The following BSDC1 variants were observed in gnomAD, a reference collection of about 807,000 sequenced individuals.
BSDC1 encodes BSD domain containing 1.
BSDC1 carries 29 observed loss-of-function variants against 56.0 expected under a neutral mutation model. The ratio of observed to expected loss-of-function variants is 0.52; its 90% CI spans 0.39 to 0.71. BSDC1 has a LOEUF of 0.71. Ranked by LOEUF, BSDC1 falls within the 30% of genes least tolerant of loss-of-function variation. The probability of loss-of-function intolerance (pLI) is 0.00; values close to 1 mark genes in which losing one functional copy is unlikely to be tolerated. For missense variants in BSDC1, 477 were observed against 548.5 expected (o/e 0.87, Z 1.30); for synonymous variants, 210 against 215.3 (o/e 0.98, Z 0.21).
At chr1:32,389,206 G>T (rs1642782353) in intron 2 of BSDC1, among the ~76,000 whole-genome samples, 1 of 151,952 alleles carries the variant, frequency 6.6e-6, no homozygotes, top group Non-Finnish European at 1.5e-5. Flanking sequence ...CGCCCACCTT[G>T]GCCTCCCAAT....
rs1446186215 is a variant in BSDC1 at position 32,376,828 on chromosome 1, G to T, written c.677-87C>A. The T allele has an allele frequency of 3.1e-6, 4 of 1,289,618 alleles. No individual in the cohort carries two copies. The East Asian group carries it at 1.1e-4, about 36-fold the overall frequency. The allele number at this position is 1,289,618 out of a possible 1,614,324, so 79.9% of individuals were successfully genotyped here. A position where few individuals can be genotyped will look rare whatever the true frequency, so the allele number is the denominator to read the frequency against. ...TTGGAGCTCTCAAGTTCCTGCCAAA[G>T]TGTACTCTGATCAAGACTCAAGCCG... On this transcript the variant is annotated intron_variant, in intron 8 of 10. Transcript: ENST00000455895.
At chr1:32,387,223 A>C (rs922933253) in intron 2 of BSDC1, among the ~76,000 whole-genome samples, 1 of 152,242 alleles carries the variant, frequency 6.6e-6, no homozygotes, top group African/African-American at 2.4e-5. Context: ...CTCAAGAGCA[A>C]ACAGGAAAAG....
chr1:32,374,241 T>C (rs1642197784), intron 9 of BSDC1, among the ~76,000 whole-genome samples: 1 of 152,234 alleles, frequency 6.6e-6, no homozygotes, highest in Non-Finnish European at 1.5e-5. Context: ...GCTCAGAGAA[T>C]GTTACCTCTA....
chr1:32,391,913 A>G (rs77766083), intron 2 of BSDC1, among the ~76,000 whole-genome samples: 55 of 152,354 alleles, frequency 3.6e-4, no homozygotes, highest in African/African-American at 1.3e-3. Context: ...CACTTACTGT[A>G]TGCTAGGTAC....
At position 32,378,737 on chromosome 1, in the gene BSDC1, A is replaced by C. The variant is rs759797232; in HGVS notation, c.515T>G (p.Leu172Arg). ...CTGGGCCCTCACCATCTTGGTGTAG[A>C]GGGCCCGGATGGAGGGGCTGCCTAC... is the stretch of plus-strand genomic sequence containing the variant. ...LLVGSPSIRA[L>R]YTKMVPAAVS... Residue 172 changes from leucine to arginine, a missense_variant, in exon 6 of 11, where the codon CTC (leucine) becomes CGC (arginine). Physicochemically the swap from Leu to Arg is moderately radical, Grantham distance 102. Coordinates refer to ENST00000455895, the MANE Select transcript of BSDC1 (RefSeq NM_018045.8). This position sits in a 1 kb window ranked among gnomAD's most constrained non-coding sequence, Gnocchi z 5.2. 5 of 1,520,380 alleles carry C rather than the reference A, an allele frequency of 3.3e-6. No individual in the cohort carries two copies. Among genetic ancestry groups the C allele is most frequent in the Non-Finnish European group, 3.5e-6 (4 of 1,132,446 alleles). The allele number at this position is 1,520,380 out of a possible 1,614,324, so 94.2% of individuals were successfully genotyped here.
At position 32,376,357 on chromosome 1, in the gene BSDC1, A is replaced by T; in HGVS notation, c.1061T>A (p.Val354Glu). The change falls in exon 9 of 11, where the codon GTA becomes GAA. Residue 354 changes from valine to glutamate, a missense_variant. Transcript: ENST00000455895. The part of the protein sequence containing the change: ...GGPEPRPPAR[V>E]ETLREEAPTD... ...GGGCGCCTCCTCCCTCAGAGTCTCTACTCTGGCTGGAGGCCTGGGCTCTGG... is the reference window on the plus strand; with the variant it reads ...GGGCGCCTCCTCCCTCAGAGTCTCTTCTCTGGCTGGAGGCCTGGGCTCTGG... The T allele has an allele frequency of 6.2e-7, 1 of 1,612,840 alleles. No homozygotes were observed. Among genetic ancestry groups the T allele is most frequent in the Non-Finnish European group, 8.5e-7 (1 of 1,179,184 alleles).
chr1:32,388,182 T>A (rs1181692642), intron 2 of BSDC1, among the ~76,000 whole-genome samples: 1 of 152,030 alleles, frequency 6.6e-6, no homozygotes, highest in East Asian at 1.9e-4. Flanking sequence ...TTAAAGCATG[T>A]TTTTGAGCGC....
chr1:32,382,836 C>T (rs1332709079), intron 4 of BSDC1, among the ~76,000 whole-genome samples: 2 of 141,502 alleles, frequency 1.4e-5, no homozygotes, highest in Admixed American at 7.3e-5. Flanking sequence ...TGCCACCGCA[C>T]TCCAGCCTGG....
intron 2 of BSDC1, among the ~76,000 whole-genome samples, chr1:32,388,347 A>C (rs1326458522): frequency 6.6e-6 from 1 of 152,068 alleles, no homozygotes; most frequent in Non-Finnish European, 1.5e-5. Flanking sequence ...GGAGGAGGTC[A>C]TTTACTTATT....
At chr1:32,383,587 A>G (rs1052755575) in intron 4 of BSDC1, among the ~76,000 whole-genome samples, 3 of 152,230 alleles carry the variant, frequency 2.0e-5, no homozygotes, top group Non-Finnish European at 4.4e-5. Context: ...CTATGTTTAT[A>G]AACAAAAACA....
At position 32,364,761 on chromosome 1, in the gene BSDC1, G is replaced by A. The variant is rs2148099466; in HGVS notation, c.*1861C>T. On this transcript the variant is annotated 3_prime_UTR_variant, in exon 11 of 11. Transcript: ENST00000455895. ...CATGACAAGTGATTTTCATACTAAAGTTAATTAAAATAGACCCAAGAATCA... is the reference window on the plus strand; with the variant it reads ...CATGACAAGTGATTTTCATACTAAAATTAATTAAAATAGACCCAAGAATCA... Among the ~76,000 whole-genome samples, 1 of 152,308 alleles carries A rather than the reference G, an allele frequency of 6.6e-6. No individual in the cohort carries two copies. Among genetic ancestry groups the A allele is most frequent in the East Asian group, 1.9e-4 (1 of 5,182 alleles).
rs1039852357 is a variant in BSDC1 at position 32,378,662 on chromosome 1, C to G, written c.528+62G>C. 1 of 1,156,964 alleles carries G rather than the reference C, an allele frequency of 8.6e-7. No homozygotes were observed. Among genetic ancestry groups the G allele is most frequent in the South Asian group, 1.8e-5 (1 of 55,852 alleles). The allele number at this position is 1,156,964 out of a possible 1,614,324, so 71.7% of individuals were successfully genotyped here. On this transcript the variant is annotated intron_variant, in intron 6 of 10. Transcript: ENST00000455895. This position sits in a 1 kb window ranked among gnomAD's most constrained non-coding sequence, Gnocchi z 5.2. ...ACTCTGCAGTGACTCTGAACATGTCCCTCCCACCTCCCAACACCTCAAGCC... is the reference window on the plus strand; with the variant it reads ...ACTCTGCAGTGACTCTGAACATGTCGCTCCCACCTCCCAACACCTCAAGCC...
chr1:32,370,633 C>G (rs555420461), intron 9 of BSDC1, among the ~76,000 whole-genome samples: 7 of 151,756 alleles, frequency 4.6e-5, no homozygotes, highest in Middle Eastern at 3.4e-3. Context: ...GAAACCCCAT[C>G]TCTACTAAAA....
rs754158312 is a variant in BSDC1, at chr1:32,394,176, G to A, written c.12-36C>T. The A allele has an allele frequency of 2.5e-6, 4 of 1,596,164 alleles. No homozygotes were observed. In the Admixed American group the frequency reaches 5.3e-5, roughly 21 times the overall value. ...CAGACACATCTGGCAGCACCGCGGT[G>A]CGATTCCTGCCCGCCCAAGGATCCG... On this transcript the variant is annotated intron_variant, in intron 1 of 10. Coordinates refer to ENST00000455895, the MANE Select transcript of BSDC1 (RefSeq NM_018045.8).
In BSDC1 at chr1:32,383,060, C is replaced by G. The variant is rs1257737152; in HGVS notation, c.357+770G>C. On this transcript the variant is annotated intron_variant, in intron 4 of 10. Coordinates refer to ENST00000455895, the MANE Select transcript of BSDC1 (RefSeq NM_018045.8). ...GCTCTCCACAGCGTTCCTTATTATG[C>G]TTGAAAGCTGAAAGGAATCCAAATA... is the stretch of plus-strand genomic sequence containing the variant. Among the ~76,000 whole-genome samples, 3 of 151,892 alleles carry G rather than the reference C, an allele frequency of 2.0e-5. No individual in the cohort carries two copies. In the East Asian group the frequency reaches 5.8e-4, roughly 29 times the overall value.
Position 32,366,203 on chromosome 1 carries a change from T to C in BSDC1, c.*419A>G. On this transcript the variant is annotated 3_prime_UTR_variant, in exon 11 of 11. Coordinates refer to ENST00000455895, the MANE Select transcript of BSDC1 (RefSeq NM_018045.8). Reference sequence around the variant, plus strand: ...GGTGGCATGGCCCTCCCTGCCTGCTTATGTATGGACAGAGTATGTTGTCTC... The same window carrying C: ...GGTGGCATGGCCCTCCCTGCCTGCTCATGTATGGACAGAGTATGTTGTCTC... 3.8e-6 allele frequency: 1 copy of C among 260,012 alleles called. No individual in the cohort carries two copies. The highest frequency in any genetic ancestry group is 7.6e-6 in the Non-Finnish European group (1 of 130,876). The allele number at this position is 260,012 out of a possible 1,614,324, so 16.1% of individuals were successfully genotyped here. A position where few individuals can be genotyped will look rare whatever the true frequency, so the allele number is the denominator to read the frequency against.
chr1:32,366,933 C>T lies in BSDC1; in HGVS notation c.1261-279G>A, dbSNP rs1435270914. ...GACACCACAAGGTGATGGCTGCCTACAGGAACCAAGTCAGCCTCAGTCCTT... is the reference window on the plus strand; with the variant it reads ...GACACCACAAGGTGATGGCTGCCTATAGGAACCAAGTCAGCCTCAGTCCTT... On this transcript the variant is annotated intron_variant, in intron 10 of 10. Coordinates refer to ENST00000455895, the MANE Select transcript of BSDC1 (RefSeq NM_018045.8). 3 of 1,190,584 alleles carry T rather than the reference C, an allele frequency of 2.5e-6. No homozygotes were observed. The Admixed American group carries it at 1.3e-4, about 51-fold the overall frequency. The allele number at this position is 1,190,584 out of a possible 1,614,324, so 73.8% of individuals were successfully genotyped here. A position where few individuals can be genotyped will look rare whatever the true frequency, so the allele number is the denominator to read the frequency against.
chr1:32,389,200 C>T (rs894821164), intron 2 of BSDC1, among the ~76,000 whole-genome samples: 30 of 152,094 alleles, frequency 2.0e-4, no homozygotes, highest in Non-Finnish European at 1.9e-4. Context: ...ATGATTCGCC[C>T]ACCTTGGCCT....
chr1:32,368,032 CTT>C (rs74259836), intron 10 of BSDC1: 2,672 of 1,005,608 alleles, frequency 2.7e-3, no homozygotes, highest in East Asian at 0.01. Context: ...TTCTTTTTTC[CTT>C]TTTTTTTTTT....
Sources: allele counts gnomAD v4.1 joint callset (sites outside exome capture counted in the v4.1 genomes callset), GRCh38; gene constraint gnomAD v4.1.1; non-coding constraint Gnocchi (gnomAD v3.1); transcripts MANE v1.5; gene names NCBI Gene and HGNC (gene_info 2026-07-23, HGNC 2026-07-21).